The following RASGRP4 variants were observed in gnomAD, a reference collection of about 807,000 sequenced individuals.
RASGRP4 encodes RAS guanyl-releasing protein 4.
In RASGRP4, 52 loss-of-function variants were observed where a neutral mutation model predicts 84.4. The ratio of observed to expected loss-of-function variants is 0.62; its 90% confidence interval spans 0.49 to 0.78. The LOEUF (loss-of-function observed/expected upper bound fraction) is 0.78, where lower values mean the gene tolerates loss of function less well. RASGRP4 is among the 30% of genes least tolerant of loss of function. The pLI, the probability that RASGRP4 is intolerant of heterozygous loss-of-function variation, is 0.00. For synonymous variants in RASGRP4, 356 were observed against 359.1 expected, an observed-to-expected ratio of 0.99 and a Z score of 0.10; for missense variants, 760 against 886.9, an observed-to-expected ratio of 0.86 and a Z score of 1.82.
Position 38,413,362 on chromosome 19 carries a change from G to T in RASGRP4, c.1311+32C>A. On this transcript the variant is annotated intron_variant, in intron 10 of 16. Coordinates refer to ENST00000615439, the MANE Select transcript of RASGRP4 (RefSeq NM_170604.3). This position sits in a 1 kb window ranked among gnomAD's most constrained non-coding sequence, Gnocchi z 4.7. ...GGCTTAGGGGGGGTTCGAGGTAATT[G>T]GGGGAGTCCGAGGCCAGGGGTTGGG... 6.2e-7 allele frequency: 1 copy of T among 1,603,972 alleles called. No homozygotes were observed. The highest frequency in any genetic ancestry group is 8.5e-7 in the Non-Finnish European group (1 of 1,173,072).
chr19:38,426,163 T>G lies in RASGRP4; in HGVS notation c.-72A>C. 1 of 1,213,430 alleles carries G rather than the reference T, an allele frequency of 8.2e-7. No homozygotes were observed. Among genetic ancestry groups the G allele is most frequent in the African/African-American group, 1.6e-5 (1 of 64,188 alleles). The allele number at this position is 1,213,430 out of a possible 1,614,324, so 75.2% of individuals were successfully genotyped here. ...CTCAGCTCCTCCCCTTGCCCAGGAC[T>G]CCAGCTTCTCAGCCCCTAGGGAGCT... is the stretch of plus-strand genomic sequence containing the variant. On this transcript the variant is annotated 5_prime_UTR_variant, in exon 1 of 17. Transcript: ENST00000615439.
At position 38,409,856 on chromosome 19, in the gene RASGRP4, C is replaced by T. The variant is rs1332255541; in HGVS notation, c.*184G>A. The T allele has an allele frequency of 5.4e-6, 3 of 550,624 alleles. No homozygotes were observed. The highest frequency in any genetic ancestry group is 9.8e-6 in the Non-Finnish European group (3 of 305,766). The allele number at this position is 550,624 out of a possible 1,614,324, so 34.1% of individuals were successfully genotyped here. On this transcript the variant is annotated 3_prime_UTR_variant, in exon 17 of 17. Coordinates refer to ENST00000615439, the MANE Select transcript of RASGRP4 (RefSeq NM_170604.3). ...GGAAAGGGAGCAGGATTAGCATCCA[C>T]CAGGATGCAAAAGAGGAAAGTCACT...
chr19:38,412,379 C>T lies in RASGRP4; in HGVS notation c.1680+293G>A. 1 of 377,468 alleles carries T rather than the reference C, an allele frequency of 2.6e-6. No homozygotes were observed. The highest frequency in any genetic ancestry group is 4.8e-6 in the Non-Finnish European group (1 of 206,202). The allele number at this position is 377,468 out of a possible 1,614,324, so 23.4% of individuals were successfully genotyped here. On this transcript the variant is annotated intron_variant, in intron 13 of 16. Transcript: ENST00000615439. The surrounding 1 kb of genome is among the most constrained non-coding windows in gnomAD (Gnocchi z 4.6). ...TCAAGCAATCCGCCCACCTCAGCCT[C>T]CCCAAGTGCTGGGATTACAGGCGTG...
rs1971358526 is a variant in RASGRP4, at chr19:38,413,363, G to A, written c.1311+31C>T. 6.2e-7 allele frequency: 1 copy of A among 1,606,054 alleles called. No individual in the cohort carries two copies. Among genetic ancestry groups the A allele is most frequent in the Middle Eastern group, 1.7e-4 (1 of 6,044 alleles). ...GCTTAGGGGGGGTTCGAGGTAATTG[G>A]GGGAGTCCGAGGCCAGGGGTTGGGT... On this transcript the variant is annotated intron_variant, in intron 10 of 16. Transcript: ENST00000615439. The surrounding 1 kb of genome is among the most constrained non-coding windows in gnomAD (Gnocchi z 4.7).
intron 1 of RASGRP4, among the ~76,000 whole-genome samples, chr19:38,423,325 G>C (rs1203087380): frequency 1.3e-5 from 2 of 152,076 alleles, no homozygotes; most frequent in African/African-American, 4.8e-5. Flanking sequence ...AGGAGTTCGA[G>C]ACCACCCCGG....
chr19:38,419,893 G>A lies in RASGRP4; in HGVS notation c.630C>T (p.Thr210=). 6.2e-7 allele frequency: 1 copy of A among 1,607,938 alleles called. No individual in the cohort carries two copies. Among genetic ancestry groups the A allele is most frequent in the Non-Finnish European group, 8.5e-7 (1 of 1,177,256 alleles). Residue 210 remains threonine, a synonymous_variant, in exon 6 of 17, where the codon ACC becomes ACT. Coordinates refer to ENST00000615439, the MANE Select transcript of RASGRP4 (RefSeq NM_170604.3). ...CCTGGAAGGACCGGAACTCCAGGTAGGTGAGGTGCTGAGCCAGCTCCCCCG... is the reference window on the plus strand; with the variant it reads ...CCTGGAAGGACCGGAACTCCAGGTAAGTGAGGTGCTGAGCCAGCTCCCCCG... ...LETGELAQHL[T]YLEFRSFQAI...
intron 1 of RASGRP4, 125 bp downstream of exon 1, chr19:38,425,944 G>A: frequency 1.4e-6 from 1 of 692,310 alleles, no homozygotes; most frequent in Non-Finnish European, 2.1e-6. Flanking sequence ...CATCCACCTG[G>A]CCCCCCTGCG....
At chr19:38,410,274 G>A (rs371538688) in intron 16 of RASGRP4, among the ~76,000 whole-genome samples, 178 bp from the exon 17 acceptor site, 9 of 152,004 alleles carry the variant, frequency 5.9e-5, no homozygotes, top group East Asian at 1.9e-4. Flanking sequence ...AAATAGTGGC[G>A]TTTACTCCAT....
chr19:38,416,007 C>T (rs1234408477), intron 8 of RASGRP4, among the ~76,000 whole-genome samples: 1 of 150,706 alleles, frequency 6.6e-6, no homozygotes, highest in Admixed American at 6.6e-5. Flanking sequence ...TTCAGTGAGC[C>T]AAGATTTCGA....
intron 1 of RASGRP4, among the ~76,000 whole-genome samples, chr19:38,424,619 G>T (rs987320392): frequency 2.8e-5 from 4 of 142,746 alleles, no homozygotes; most frequent in African/African-American, 5.2e-5. Flanking sequence ...GTGTCAATGG[G>T]GGGGGGGGTC....
chr19:38,421,669 G>T (rs1309856829), intron 2 of RASGRP4, among the ~76,000 whole-genome samples: 1 of 151,578 alleles, frequency 6.6e-6, no homozygotes, highest in Non-Finnish European at 1.5e-5. Flanking sequence ...CTGAGATCAG[G>T]CCACTGCACT....
chr19:38,417,212 G>A lies in RASGRP4; in HGVS notation c.838-44C>T, dbSNP rs767220227. The A allele has an allele frequency of 1.5e-6, 2 of 1,301,946 alleles. No individual in the cohort carries two copies. Among genetic ancestry groups the A allele is most frequent in the Admixed American group, 3.9e-5 (2 of 50,666 alleles). The allele number at this position is 1,301,946 out of a possible 1,614,324, so 80.6% of individuals were successfully genotyped here. A position where few individuals can be genotyped will look rare whatever the true frequency, so the allele number is the denominator to read the frequency against. Reference sequence around the variant, plus strand: ...ACACAGGGCCGTCACGGGAGGGAGGGCAAGTCAGGAGTTCAGATGACAGCA... The same window carrying A: ...ACACAGGGCCGTCACGGGAGGGAGGACAAGTCAGGAGTTCAGATGACAGCA... On this transcript the variant is annotated intron_variant, in intron 7 of 16. Transcript: ENST00000615439. This position sits in a 1 kb window ranked among gnomAD's most constrained non-coding sequence, Gnocchi z 5.1.
At position 38,418,147 on chromosome 19, in the gene RASGRP4, G is replaced by A. The variant is rs755163618; in HGVS notation, c.837+244C>T. Among the ~76,000 whole-genome samples the A allele has an allele frequency of 6.6e-6, 1 of 152,148 alleles. No individual in the cohort carries two copies. The highest frequency in any genetic ancestry group is 1.5e-5 in the Non-Finnish European group (1 of 68,034). Reference sequence around the variant, plus strand: ...CTGGGGATAGAATATTCGGGCATAGGGCTTGGGAGCCTGTCACGTCTAGGG... The same window carrying A: ...CTGGGGATAGAATATTCGGGCATAGAGCTTGGGAGCCTGTCACGTCTAGGG... On this transcript the variant is annotated intron_variant, in intron 7 of 16. Coordinates refer to ENST00000615439, the MANE Select transcript of RASGRP4 (RefSeq NM_170604.3). The surrounding 1 kb of genome is among the most constrained non-coding windows in gnomAD (Gnocchi z 4.6).
Position 38,418,301 on chromosome 19 carries a change from G to A in RASGRP4, c.837+90C>T, listed in dbSNP as rs1971589097. The A allele has an allele frequency of 1.5e-6, 2 of 1,358,602 alleles. No homozygotes were observed. The highest frequency in any genetic ancestry group is 1.3e-5 in the South Asian group (1 of 76,928). The allele number at this position is 1,358,602 out of a possible 1,614,324, so 84.2% of individuals were successfully genotyped here. On this transcript the variant is annotated intron_variant, in intron 7 of 16. Coordinates refer to ENST00000615439, the MANE Select transcript of RASGRP4 (RefSeq NM_170604.3). The surrounding 1 kb of genome is among the most constrained non-coding windows in gnomAD (Gnocchi z 4.6). The stretch of plus-strand genomic sequence containing the variant: ...CCGGGAGATGCGTGACGTCACCGCC[G>A]GGATGACCCTGTGGGGTCGAGGGTC...
At position 38,422,126 on chromosome 19, in the gene RASGRP4, T is replaced by G; in HGVS notation, c.51A>C (p.Lys17Asn). Residue 17 changes from lysine to asparagine, a missense_variant, in exon 2 of 17, where the codon AAA becomes AAC. Lys to Asn is a moderately conservative substitution (Grantham distance 94, BLOSUM62 0). Transcript: ENST00000615439. Reference protein sequence around the residue: ...KRKSHQECTGKIGGRGRPRQV... With the variant: ...KRKSHQECTGNIGGRGRPRQV... ...GGCGGGGCCGGCCTCGCCCTCCTAT[T>G]TTTCCGGTGCATTCCTGGTGGGACT... The G allele has an allele frequency of 1.9e-6, 3 of 1,611,756 alleles. No individual in the cohort carries two copies. Among genetic ancestry groups the G allele is most frequent in the Non-Finnish European group, 2.5e-6 (3 of 1,179,268 alleles).
chr19:38,412,984 G>C lies in RASGRP4; in HGVS notation c.1482C>G (p.Leu494=). 1 of 1,614,054 alleles carries C rather than the reference G, an allele frequency of 6.2e-7. No homozygotes were observed. The highest frequency in any genetic ancestry group is 8.5e-7 in the Non-Finnish European group (1 of 1,179,902). ...GGCAGGCGAAGGGAAAATTGCCCGAGAGTCGCTCAAAGTCCTCCTGAGAGA... is the reference window on the plus strand; with the variant it reads ...GGCAGGCGAAGGGAAAATTGCCCGACAGTCGCTCAAAGTCCTCCTGAGAGA... The part of the protein sequence containing the change: ...GTISQEDFER[L]SGNFPFACHG... Residue 494 remains leucine, a synonymous_variant, in exon 12 of 17, where the codon CTC becomes CTG. Coordinates refer to ENST00000615439, the MANE Select transcript of RASGRP4 (RefSeq NM_170604.3). The surrounding 1 kb of genome is among the most constrained non-coding windows in gnomAD (Gnocchi z 4.6).
rs1177874236 is a variant in RASGRP4 at position 38,411,335 on chromosome 19, C to T, written c.1717+10G>A. The stretch of plus-strand genomic sequence containing the variant: ...AAGGCTTCCCTCCCACTCACTGACA[C>T]CCCACTCACCCCGACAGCGGTAGCC... On this transcript the variant is annotated intron_variant, in intron 14 of 16. Coordinates refer to ENST00000615439, the MANE Select transcript of RASGRP4 (RefSeq NM_170604.3). 6.2e-7 allele frequency: 1 copy of T among 1,605,260 alleles called. No individual in the cohort carries two copies. Among genetic ancestry groups the T allele is most frequent in the Admixed American group, 1.7e-5 (1 of 58,634 alleles).
In RASGRP4 at chr19:38,411,212, C is replaced by T. The variant is rs768369603; in HGVS notation, c.1755G>A (p.Gln585=). Residue 585 remains glutamine (Q), a synonymous_variant, in exon 15 of 17, where the codon CAG becomes CAA. Transcript: ENST00000615439. ...GCCTCTTCTTACATTCTACCTTCAC[C>T]TGGTCTCTGCAGTGTTTGTGGCAAC... is the stretch of plus-strand genomic sequence containing the variant. The part of the protein sequence containing the change: ...GLCCHKHCRD[Q]VKVECKKRPG... The T allele has an allele frequency of 6.2e-7, 1 of 1,613,960 alleles. No individual in the cohort carries two copies. Among genetic ancestry groups the T allele is most frequent in the Non-Finnish European group, 8.5e-7 (1 of 1,179,870 alleles).
chr19:38,413,167 CGGCCG>C lies in RASGRP4; in HGVS notation c.1416+21_1416+25del. On this transcript the variant is annotated intron_variant, in intron 11 of 16. Coordinates refer to ENST00000615439, the MANE Select transcript of RASGRP4 (RefSeq NM_170604.3). This position sits in a 1 kb window ranked among gnomAD's most constrained non-coding sequence, Gnocchi z 4.7. ...AGATGTCTTCCCTCCTGGCTGCTGG[CGGCCG>C]GGCCACCCTCCCCTCCTTACCTCCA... is the stretch of plus-strand genomic sequence containing the variant. The C allele has an allele frequency of 2.5e-6, 4 of 1,600,780 alleles. No individual in the cohort carries two copies. Among genetic ancestry groups the C allele is most frequent in the Non-Finnish European group, 3.4e-6 (4 of 1,169,200 alleles).
Sources: allele counts gnomAD v4.1 joint callset (sites outside exome capture counted in the v4.1 genomes callset), GRCh38; gene constraint gnomAD v4.1.1; non-coding constraint Gnocchi (gnomAD v3.1); transcripts MANE v1.5; gene names NCBI Gene and HGNC (gene_info 2026-07-23, HGNC 2026-07-21).